RAPGEF4: variants seen among roughly 807,000 people sequenced by gnomAD.
RAPGEF4 encodes the protein RAP guanine-nucleotide-exchange factor (GEF) 4.
In RAPGEF4, 66 loss-of-function variants were observed where a neutral mutation model predicts 147.9. The ratio of observed to expected loss-of-function variants is 0.45; its 90% CI spans 0.37 to 0.55. RAPGEF4 has a LOEUF of 0.55. RAPGEF4 is among the 20% of genes least tolerant of loss of function. The pLI is 0.00. For missense variants in RAPGEF4, 1,071 were observed against 1,257.3 expected (o/e 0.85, Z 2.24); for synonymous variants, 419 against 442.7 (o/e 0.95, Z 0.67).
chr2:172,743,487 C>G (rs1018506593), intron 1 of RAPGEF4, among the ~76,000 whole-genome samples: 6 of 152,198 alleles, frequency 3.9e-5, no homozygotes, highest in African/African-American at 1.2e-4. Context: ...ATTCCTTAAA[C>G]TCTGTATCTG....
chr2:172,965,183 A>G (rs888146990), intron 8 of RAPGEF4: 5 of 222,368 alleles, frequency 2.2e-5, no homozygotes, highest in African/African-American at 6.8e-5. Flanking sequence ...GGAGAGAGTC[A>G]GTATGTATTT....
chr2:172,769,001 C>T (rs569770761), intron 1 of RAPGEF4, among the ~76,000 whole-genome samples: 1 of 152,224 alleles, frequency 6.6e-6, no homozygotes, highest in South Asian at 2.1e-4. Flanking sequence ...TGGTGTGGGG[C>T]AAGGACGTGG....
chr2:172,754,124 C>T (rs1032078683), intron 1 of RAPGEF4, among the ~76,000 whole-genome samples: 1 of 152,084 alleles, frequency 6.6e-6, no homozygotes, highest in South Asian at 2.1e-4. Context: ...AATAACAGGT[C>T]TTAACATTTT....
At chr2:173,036,774 A>G (rs1335433922) in intron 29 of RAPGEF4, 82 bp downstream of exon 29, 4 of 979,722 alleles carry the variant, frequency 4.1e-6, no homozygotes, top group African/African-American at 3.3e-5. Context: ...AATAATTTCC[A>G]TATATGCTGC....
In RAPGEF4 at chr2:172,965,691, G is replaced by C; in HGVS notation, c.820+8G>C. The C allele has an allele frequency of 6.2e-7, 1 of 1,614,152 alleles. No homozygotes were observed. Among genetic ancestry groups the C allele is most frequent in the Non-Finnish European group, 8.5e-7 (1 of 1,180,018 alleles). ...ATGGTGTTCTCAACCACGGTAAGAT[G>C]AGCCCCAGTCCCTGGAAACCTCTCA... On this transcript the variant is annotated splice_region_variant and intron_variant, in intron 9 of 30. Transcript: ENST00000397081.
chr2:172,985,439 C>A lies in RAPGEF4; in HGVS notation c.1096C>A (p.Arg366=), dbSNP rs368848473. ...TCTTCTGTTTTTCTTCTAGGTGAAA[C>A]GAGAGTTAGCAGGTGTTCTCATTTT... is the stretch of plus-strand genomic sequence containing the variant. The part of the protein sequence containing the change: ...ALSHLSTTVK[R]ELAGVLIFES... The change falls in exon 12 of 31, where the codon CGA becomes AGA. Residue 366 remains arginine (R), a synonymous_variant. Transcript: ENST00000397081. The A allele has an allele frequency of 3.4e-5, 55 of 1,613,626 alleles. No individual in the cohort carries two copies. Among genetic ancestry groups the A allele is most frequent in the Non-Finnish European group, 4.3e-5 (51 of 1,179,888 alleles).
intron 3 of RAPGEF4, among the ~76,000 whole-genome samples, chr2:172,799,289 G>A (rs1004688419): frequency 6.6e-6 from 1 of 152,054 alleles, no homozygotes; most frequent in East Asian, 1.9e-4. Context: ...CGAAGTCCCC[G>A]AGTGGTTAAA....
At position 172,922,262 on chromosome 2, in the gene RAPGEF4, T is replaced by C; in HGVS notation, c.518-19T>C. ...TTATACAATTCATGGCCTCTCTCTG[T>C]CTCTTTTTCCTCCTTTAGGGATTCC... On this transcript the variant is annotated intron_variant, in intron 5 of 30. Transcript: ENST00000397081. The C allele has an allele frequency of 1.2e-6, 2 of 1,606,468 alleles. No individual in the cohort carries two copies. Among genetic ancestry groups the C allele is most frequent in the Admixed American group, 1.7e-5 (1 of 60,024 alleles).
At chr2:173,019,441 G>A (rs1695831493) in intron 22 of RAPGEF4, among the ~76,000 whole-genome samples, 1 of 152,236 alleles carries the variant, frequency 6.6e-6, no homozygotes, top group Non-Finnish European at 1.5e-5. Flanking sequence ...AGGCCAGGGA[G>A]GAGGTAGACG....
At chr2:172,941,549 C>T (rs1406062499) in intron 6 of RAPGEF4, among the ~76,000 whole-genome samples, 1 of 152,124 alleles carries the variant, frequency 6.6e-6, no homozygotes, top group East Asian at 1.9e-4. Flanking sequence ...AAAGTAAGCA[C>T]TTGATAAAAT....
At chr2:172,801,406 G>T (rs1686963551) in intron 3 of RAPGEF4, among the ~76,000 whole-genome samples, 1 of 152,156 alleles carries the variant, frequency 6.6e-6, no homozygotes, top group African/African-American at 2.4e-5. Context: ...TTTCTCATCT[G>T]AGAGCCAGAG....
intron 1 of RAPGEF4, among the ~76,000 whole-genome samples, chr2:172,785,048 C>A (rs1181334826): frequency 6.6e-6 from 1 of 152,238 alleles, no homozygotes. Flanking sequence ...TGGTCTTGAA[C>A]TCTTGACCTC....
chr2:172,936,409 T>A (rs1686573992), intron 6 of RAPGEF4, among the ~76,000 whole-genome samples: 1 of 152,176 alleles, frequency 6.6e-6, no homozygotes, highest in African/African-American at 2.4e-5. Flanking sequence ...CAGAGCTCTG[T>A]GTGTTTATAT....
chr2:172,990,820 C>G lies in RAPGEF4; in HGVS notation c.1385C>G (p.Ala462Gly). 6.2e-7 allele frequency: 1 copy of G among 1,613,182 alleles called. No homozygotes were observed. Among genetic ancestry groups the G allele is most frequent in the Non-Finnish European group, 8.5e-7 (1 of 1,179,416 alleles). The change falls in exon 15 of 31, where the codon GCG becomes GGG. Residue 462 changes from alanine to glycine, a missense_variant. Coordinates refer to ENST00000397081, the MANE Select transcript of RAPGEF4 (RefSeq NM_007023.4). ...AATTTGTATTTGCAGGACGTGGAGG[C>G]GAATACAGTCAGACTTAAAGAACAT... ...DFNRILRDVE[A>G]NTVRLKEHDQ...
chr2:172,865,342 C>T (rs1050177443), intron 4 of RAPGEF4, among the ~76,000 whole-genome samples: 3 of 152,172 alleles, frequency 2.0e-5, no homozygotes, highest in Non-Finnish European at 4.4e-5. Flanking sequence ...TTCCTGCCAA[C>T]AAATCAATTA....
At chr2:172,985,714 G>A (rs1692181219) in intron 12 of RAPGEF4, among the ~76,000 whole-genome samples, 1 of 152,148 alleles carries the variant, frequency 6.6e-6, no homozygotes, top group South Asian at 2.1e-4. Context: ...AGCAAGTGTT[G>A]TGGGTGCCAG....
chr2:172,844,540 T>C (rs780296595), intron 4 of RAPGEF4, among the ~76,000 whole-genome samples: 18 of 152,022 alleles, frequency 1.2e-4, no homozygotes, highest in Non-Finnish European at 2.2e-4. Flanking sequence ...CTCTCAAGCA[T>C]GAGATTCAAT....
chr2:172,789,412 C>T (rs1685579087), intron 1 of RAPGEF4, among the ~76,000 whole-genome samples: 1 of 152,178 alleles, frequency 6.6e-6, no homozygotes, highest in Non-Finnish European at 1.5e-5. Context: ...ATCCTGCGTT[C>T]TACAGTGTCT....
At chr2:172,962,810 A>T (rs1460970637) in intron 8 of RAPGEF4, among the ~76,000 whole-genome samples, 1 of 152,136 alleles carries the variant, frequency 6.6e-6, no homozygotes, top group Non-Finnish European at 1.5e-5. Flanking sequence ...GATATTAACT[A>T]ACTACTATTT....
Sources: gnomAD v4.1 joint callset for allele counts (sites outside exome capture counted in the v4.1 genomes callset) on GRCh38, gnomAD v4.1.1 for gene constraint, MANE v1.5 for transcripts, NCBI Gene and HGNC (gene_info 2026-07-23, HGNC 2026-07-21) for gene names.